The following HBS1L variants were observed in gnomAD, a reference collection of about 807,000 sequenced individuals.
The protein encoded by HBS1L is HBS1-like protein.
HBS1L carries 55 observed loss-of-function variants against 88.9 expected under a neutral mutation model. The ratio of observed to expected loss-of-function variants is 0.62; its 90% CI spans 0.50 to 0.77. The LOEUF (loss-of-function observed/expected upper bound fraction) is 0.77. Among genes scored for constraint, HBS1L ranks in the 30% least tolerant of loss-of-function variants. The probability of loss-of-function intolerance (pLI) is 0.00; values close to 1 mark genes in which losing one functional copy is unlikely to be tolerated. For missense variants in HBS1L, 741 were observed against 829.3 expected (o/e 0.89, Z 1.31); for synonymous variants, 267 against 288.5 (o/e 0.93, Z 0.76).
chr6:135,002,680 A>G lies in HBS1L; in HGVS notation c.539+54T>C. ...TCTCTTTCTTACAGAAGCAACAGTG[A>G]TTTCAAAAACTTGGGGGTGGGGGTG... is the stretch of plus-strand genomic sequence containing the variant. On this transcript the variant is annotated intron_variant, in intron 5 of 17. Transcript: ENST00000367837. The G allele has an allele frequency of 4.5e-6, 4 of 886,790 alleles. No homozygotes were observed. In the South Asian group the frequency reaches 5.4e-5, roughly 12 times the overall value. The allele number at this position is 886,790 out of a possible 1,614,324, so 54.9% of individuals were successfully genotyped here. A position where few individuals can be genotyped will look rare whatever the true frequency, so the allele number is the denominator to read the frequency against.
intron 4 of HBS1L, among the ~76,000 whole-genome samples, chr6:135,013,629 G>A (rs1775835415): frequency 6.6e-6 from 1 of 152,198 alleles, no homozygotes; most frequent in Non-Finnish European, 1.5e-5. Context: ...TGAAAGGAAA[G>A]CAGTTAGAAG....
chr6:134,970,665 G>A (rs1184285262), intron 15 of HBS1L, among the ~76,000 whole-genome samples: 1 of 150,514 alleles, frequency 6.6e-6, no homozygotes, highest in Non-Finnish European at 1.5e-5. Context: ...GTGTAGAGCT[G>A]AATTTTAGGC....
chr6:135,002,560 C>T (rs1351700326), intron 5 of HBS1L, 174 bp downstream of exon 5: 1 of 464,826 alleles, frequency 2.2e-6, no homozygotes, highest in East Asian at 3.4e-5. Flanking sequence ...AGGCCAGAAT[C>T]AAGCCTAATT....
rs183883034 is a variant in HBS1L, at chr6:134,990,939, C to T, written c.1083+2819G>A. Reference sequence around the variant, plus strand: ...TACTACAACTGCTTCTGGTGTTTGTCTCGCCCATTAAACTATCAGTGCTTT... The same window carrying T: ...TACTACAACTGCTTCTGGTGTTTGTTTCGCCCATTAAACTATCAGTGCTTT... On this transcript the variant is annotated intron_variant, in intron 8 of 17. Coordinates refer to ENST00000367837, the MANE Select transcript of HBS1L (RefSeq NM_006620.4). 2.0e-3 allele frequency among the ~76,000 whole-genome samples: 310 copies of T among 152,092 alleles called. 1 individual carries two copies. Among genetic ancestry groups the T allele is most frequent in the African/African-American group, 7.4e-3 (306 of 41,488 alleles).
chr6:135,054,756 A>G lies in HBS1L; in HGVS notation c.-65T>C. On this transcript the variant is annotated 5_prime_UTR_variant, in exon 1 of 18. Transcript: ENST00000367837. ...TCCAAAACACTCCGCTTAGATACTG[A>G]TAAGGCGCCAACTGCAGCCTGGAGA... 1 of 1,590,502 alleles carries G rather than the reference A, an allele frequency of 6.3e-7. No individual in the cohort carries two copies. The highest frequency in any genetic ancestry group is 8.6e-7 in the Non-Finnish European group (1 of 1,161,828).
intron 4 of HBS1L, among the ~76,000 whole-genome samples, chr6:135,010,731 GA>G: frequency 6.6e-6 from 1 of 152,200 alleles, no homozygotes; most frequent in East Asian, 1.9e-4. Flanking sequence ...TTTTGGGGGG[GA>G]AAATGCCAAG....
At position 134,963,358 on chromosome 6, in the gene HBS1L, C is replaced by T. The variant is rs1170096694; in HGVS notation, c.*1921G>A. On this transcript the variant is annotated 3_prime_UTR_variant, in exon 18 of 18. Transcript: ENST00000367837. The stretch of plus-strand genomic sequence containing the variant: ...TCTGTCCTTGCCCTGGATGGGAGAT[C>T]TGAGGATGTAAGTGTGGAATTATCA... 1 of 152,192 alleles carries T rather than the reference C, an allele frequency of 6.6e-6. No individual in the cohort carries two copies. Among genetic ancestry groups the T allele is most frequent in the East Asian group, 1.9e-4 (1 of 5,188 alleles). The allele number at this position is 152,192 out of a possible 1,614,324, so 9.4% of individuals were successfully genotyped here.
rs1776564970 is a variant in HBS1L, at chr6:135,036,771, A to G, written c.430+2802T>C. Reference sequence around the variant, plus strand: ...AACGAAGACACAGTGTTGAGGCAAAAGCTGAAGGTCTAGCAGCAAGGGCCT... The same window carrying G: ...AACGAAGACACAGTGTTGAGGCAAAGGCTGAAGGTCTAGCAGCAAGGGCCT... On this transcript the variant is annotated intron_variant, in intron 4 of 17. Transcript: ENST00000367837. 3.2e-6 allele frequency: 5 copies of G among 1,551,558 alleles called. No individual in the cohort carries two copies. In the East Asian group the frequency reaches 1.2e-4, roughly 38 times the overall value.
chr6:134,975,404 C>A (rs1774614418), intron 15 of HBS1L, among the ~76,000 whole-genome samples: 1 of 152,062 alleles, frequency 6.6e-6, no homozygotes, highest in Non-Finnish European at 1.5e-5. Flanking sequence ...TTAGAAAAAA[C>A]AATCCTAAAA....
rs181059898 is a variant in HBS1L at position 135,038,756 on chromosome 6, C to T, written c.430+817G>A. ...ATTCCAAATTTAACCCCAAATTTTA[C>T]AAATTTAAAATTAAATCTCTGGCTA... is the stretch of plus-strand genomic sequence containing the variant. On this transcript the variant is annotated intron_variant, in intron 4 of 17. Transcript: ENST00000367837. Among the ~76,000 whole-genome samples the T allele has an allele frequency of 4.6e-5, 7 of 152,152 alleles. No individual in the cohort carries two copies. In the East Asian group the frequency reaches 1.3e-3, roughly 29 times the overall value.
chr6:135,021,181 G>A (rs1776060856), intron 4 of HBS1L, among the ~76,000 whole-genome samples: 1 of 151,988 alleles, frequency 6.6e-6, no homozygotes, highest in Non-Finnish European at 1.5e-5. Context: ...AATATTAAGT[G>A]TTAGCAGATA....
chr6:135,051,957 T>A (rs1777099952), intron 1 of HBS1L, among the ~76,000 whole-genome samples: 1 of 152,168 alleles, frequency 6.6e-6, no homozygotes, highest in African/African-American at 2.4e-5. Context: ...CAAAACCATG[T>A]GACAAGTGCC....
intron 4 of HBS1L, among the ~76,000 whole-genome samples, chr6:135,014,235 T>C (rs1255084031): frequency 3.3e-5 from 5 of 152,182 alleles, no homozygotes; most frequent in African/African-American, 1.2e-4. Context: ...TCTTACTCCT[T>C]TCATTCAGCA....
intron 1 of HBS1L, 40 bp from the exon 2 acceptor site, chr6:135,050,687 C>A (rs1777054379): frequency 1.5e-6 from 2 of 1,313,868 alleles, no homozygotes; most frequent in Non-Finnish European, 2.1e-6. Flanking sequence ...TTTACAAGTT[C>A]TTTTTATATT....
chr6:134,970,963 T>C (rs1347622972), intron 15 of HBS1L, among the ~76,000 whole-genome samples: 1 of 152,214 alleles, frequency 6.6e-6, no homozygotes, highest in African/African-American at 2.4e-5. Flanking sequence ...TACAATTTAA[T>C]GCTGTTTGTA....
rs139934433 is a variant in HBS1L, at chr6:134,979,192, A to T, written c.1674T>A (p.Asp558Glu). Residue 558 changes from aspartate (D) to glutamate (E), a missense_variant, in exon 14 of 18, where the codon GAT (aspartate) becomes GAA (glutamate). Around this residue, in one of 3 missense-constraint regions of HBS1L, gnomAD observed 181 missense variants for 212.7 expected, o/e 0.85. Transcript: ENST00000367837. ...DHVSLTLVGM[D>E]IIKINVGCIF... ...TTCTCACTCACTTGATTTTGATGAT[A>T]TCCATCCCAACCAAAGTAAGACTAA... 7 of 1,610,748 alleles carry T rather than the reference A, an allele frequency of 4.3e-6. No homozygotes were observed. The highest frequency in any genetic ancestry group is 5.1e-6 in the Non-Finnish European group (6 of 1,177,410).
chr6:134,983,196 A>C (rs902571898), intron 12 of HBS1L: 1 of 152,182 alleles, frequency 6.6e-6, no homozygotes, highest in African/African-American at 2.4e-5. Context: ...AATGAAGAAA[A>C]GGTAAGACAG....
intron 2 of HBS1L, among the ~76,000 whole-genome samples, chr6:135,046,059 T>C (rs972855213): frequency 2.0e-5 from 3 of 152,214 alleles, no homozygotes; most frequent in East Asian, 3.8e-4. Context: ...TTCATTCCTA[T>C]TTTCTTTCCT....
intron 2 of HBS1L, 96 bp from the exon 3 acceptor site, chr6:135,042,222 A>G (rs1776762205): frequency 8.9e-6 from 10 of 1,121,242 alleles, no homozygotes; most frequent in Non-Finnish European, 9.9e-6. Flanking sequence ...ATTCTAATCA[A>G]TCACCTATAG....
Sources: allele counts gnomAD v4.1 joint callset (sites outside exome capture counted in the v4.1 genomes callset), GRCh38; gene constraint gnomAD v4.1.1; regional missense constraint gnomAD v4.1.1; transcripts MANE v1.5; gene names NCBI Gene and HGNC (gene_info 2026-07-23, HGNC 2026-07-21).